DCST2: variants seen among roughly 807,000 people sequenced by gnomAD.
DCST2 encodes DC-STAMP domain containing 2.
DCST2 carries 64 observed loss-of-function variants against 81.8 expected under a neutral mutation model. The ratio of observed to expected loss-of-function variants is 0.78; its 90% CI spans 0.64 to 0.96. DCST2 has a LOEUF of 0.96. Among genes scored for constraint, DCST2 ranks in the 40% least tolerant of loss-of-function variants. The pLI is 0.00. For missense variants in DCST2, 945 were observed against 1,001.4 expected, an observed-to-expected ratio of 0.94 and a Z score of 0.76; for synonymous variants, 354 against 402.6, an observed-to-expected ratio of 0.88 and a Z score of 1.44.
intron 8 of DCST2, among the ~76,000 whole-genome samples, chr1:155,027,878 T>C (rs552486589): frequency 5.4e-4 from 82 of 151,446 alleles, no homozygotes; most frequent in African/African-American, 1.7e-3. Flanking sequence ...TCTCAATTAA[T>C]GGCTTACCAG....
intron 10 of DCST2, 73 bp downstream of exon 10, chr1:155,026,229 C>T: frequency 1.3e-6 from 2 of 1,492,048 alleles, no homozygotes; most frequent in Non-Finnish European, 1.8e-6. Context: ...GCTCCCAAAG[C>T]CAAAAAAGCC....
intron 14 of DCST2, 69 bp downstream of exon 14, chr1:155,023,048 C>T: frequency 6.4e-7 from 1 of 1,557,098 alleles, no homozygotes; most frequent in Non-Finnish European, 8.6e-7. Flanking sequence ...CCAGGAAGGC[C>T]TTTGCAAATG....
In DCST2 at chr1:155,026,317, GT is replaced by G. The variant is rs1345655322; in HGVS notation, c.1595del (p.Tyr532SerfsTer17). On this transcript the variant is annotated frameshift_variant, in exon 10 of 15. Coordinates refer to ENST00000368424, the MANE Select transcript of DCST2 (RefSeq NM_144622.3). LOFTEE classifies it high-confidence loss of function. ...GACCCCTCACCTGCTCCCGGGATGG[GT>G]AGTAGGAGGCACAGATGACTCGCCG... ...RLRRVICASY[Y>X]PSREQERISY... 5 of 1,613,672 alleles carry G rather than the reference GT, an allele frequency of 3.1e-6. No homozygotes were observed. In the African/African-American group the frequency reaches 6.7e-5, roughly 22 times the overall value.
At chr1:155,023,479 G>T in intron 12 of DCST2, 22 bp from the exon 13 acceptor site, 1 of 1,569,862 alleles carries the variant, frequency 6.4e-7, no homozygotes, top group South Asian at 1.2e-5. Flanking sequence ...CATGGGGAAT[G>T]GAGGTGAACC....
Position 155,023,392 on chromosome 1 carries a change from A to T in DCST2, c.1936T>A (p.Ser646Thr), listed in dbSNP as rs541267276. Reference protein sequence around the residue: ...NTCSVCASPLSYQGDLDLELD... With the variant: ...NTCSVCASPLTYQGDLDLELD... Reference sequence around the variant, plus strand: ...TCCAGGTCCAGGTCCCCCTGGTAGGAGAGGGGAGATGCACACACGGAGCAG... The same window carrying T: ...TCCAGGTCCAGGTCCCCCTGGTAGGTGAGGGGAGATGCACACACGGAGCAG... The change falls in exon 13 of 15, where the codon TCC (serine) becomes ACC (threonine). Residue 646 changes from serine to threonine, a missense_variant. By Grantham distance (58) the Ser-to-Thr change is moderately conservative. Coordinates refer to ENST00000368424, the MANE Select transcript of DCST2 (RefSeq NM_144622.3). The T allele has an allele frequency of 8.1e-5, 130 of 1,608,660 alleles. No homozygotes were observed. The South Asian group carries it at 1.4e-3, about 17-fold the overall frequency.
At chr1:155,031,862 G>A in intron 3 of DCST2, 91 bp from the exon 4 acceptor site, 2 of 1,340,222 alleles carry the variant, frequency 1.5e-6, no homozygotes, top group South Asian at 1.3e-5. Flanking sequence ...ATCCAGGGCT[G>A]GAGAGGCCTG....
At chr1:155,019,983 C>T (rs1335659605) in intron 14 of DCST2, among the ~76,000 whole-genome samples, 1 of 152,206 alleles carries the variant, frequency 6.6e-6, no homozygotes, top group African/African-American at 2.4e-5. Flanking sequence ...GTGCTCTTGC[C>T]TCCTACTCCC....
At chr1:155,033,395 C>T (rs1660163293) in intron 1 of DCST2, 39 bp downstream of exon 1, 1 of 1,604,306 alleles carries the variant, frequency 6.2e-7, no homozygotes, top group Admixed American at 1.7e-5. Context: ...CCAGCACCAG[C>T]CCCAGGACCT....
At position 155,031,635 on chromosome 1, in the gene DCST2, T is replaced by C. The variant is rs1660087709; in HGVS notation, c.678A>G (p.Gln226=). Residue 226 remains glutamine (Q), a synonymous_variant, in exon 4 of 15, where the codon CAA becomes CAG. Coordinates refer to ENST00000368424, the MANE Select transcript of DCST2 (RefSeq NM_144622.3). The part of the protein sequence containing the change: ...AKDSCMMVIP[Q]AYHLCYVLMP... Reference sequence around the variant, plus strand: ...TGAGCACGTAACACAGGTGGTAGGCTTGTGGTATGACCATCATGCAGCTGT... The same window carrying C: ...TGAGCACGTAACACAGGTGGTAGGCCTGTGGTATGACCATCATGCAGCTGT... 1.2e-6 allele frequency: 2 copies of C among 1,612,672 alleles called. No individual in the cohort carries two copies. The highest frequency in any genetic ancestry group is 2.2e-5 in the South Asian group (2 of 91,028).
chr1:155,032,907 G>A (rs947751325), intron 2 of DCST2, 139 bp from the exon 3 acceptor site: 31 of 1,026,068 alleles, frequency 3.0e-5, no homozygotes, highest in East Asian at 1.0e-4. Flanking sequence ...CTGGGAGATC[G>A]TTAATCTGGG....
In DCST2 at chr1:155,030,382, G is replaced by A. The variant is rs1439495784; in HGVS notation, c.1019+50C>T. The A allele has an allele frequency of 1.2e-5, 20 of 1,602,978 alleles. No homozygotes were observed. In the East Asian group the frequency reaches 4.5e-4, roughly 36 times the overall value. On this transcript the variant is annotated intron_variant, in intron 6 of 14. Coordinates refer to ENST00000368424, the MANE Select transcript of DCST2 (RefSeq NM_144622.3). ...AAATGAGCTGCTCCCTGCAGCCCTGGCCCTGCACCCCCGGCCCTGCATCCC... is the reference window on the plus strand; with the variant it reads ...AAATGAGCTGCTCCCTGCAGCCCTGACCCTGCACCCCCGGCCCTGCATCCC...
At position 155,024,523 on chromosome 1, in the gene DCST2, C is replaced by T. The variant is rs749453334; in HGVS notation, c.1691G>A (p.Arg564Gln). ...LLAALHRSVR[R>Q]RAADQGHRSA... is the part of the protein sequence containing the mutation. ...TCTGTGGCCCTGGTCAGCCGCCCGCCGCCTCACTGATCGGTGCAGGGCAGC... is the reference window on the plus strand; with the variant it reads ...TCTGTGGCCCTGGTCAGCCGCCCGCTGCCTCACTGATCGGTGCAGGGCAGC... The change falls in exon 11 of 15, where the codon CGG becomes CAG. Residue 564 changes from arginine to glutamine, a missense_variant. Transcript: ENST00000368424. 17 of 1,609,520 alleles carry T rather than the reference C, an allele frequency of 1.1e-5. No homozygotes were observed. The highest frequency in any genetic ancestry group is 8.9e-5 in the South Asian group (8 of 89,678).
rs138383629 is a variant in DCST2, at chr1:155,031,048, C to G, written c.805+121G>C. 6.6e-4 allele frequency: 727 copies of G among 1,109,400 alleles called. 6 individuals are homozygous for G. In the East Asian group the frequency reaches 0.018, roughly 28 times the overall value. The allele number at this position is 1,109,400 out of a possible 1,614,324, so 68.7% of individuals were successfully genotyped here. A position where few individuals can be genotyped will look rare whatever the true frequency, so the allele number is the denominator to read the frequency against. On this transcript the variant is annotated intron_variant, in intron 5 of 14. Transcript: ENST00000368424. The stretch of plus-strand genomic sequence containing the variant: ...TGGGCCTGGGTGATCACTTGAGCCC[C>G]TTTCTTTCTCTTACATTCTCCTTTA...
rs748879929 is a variant in DCST2, at chr1:155,032,709, G to A, written c.499C>T (p.Arg167Cys). 20 of 1,613,986 alleles carry A rather than the reference G, an allele frequency of 1.2e-5. No homozygotes were observed. Among genetic ancestry groups the A allele is most frequent in the African/African-American group, 2.7e-5 (2 of 74,904 alleles). Residue 167 changes from arginine to cysteine, a missense_variant, in exon 3 of 15, where the codon CGC becomes TGC. Transcript: ENST00000368424. Reference protein sequence around the residue: ...RKTKEVADRVRKFFRSIMDGV... With the variant: ...RKTKEVADRVCKFFRSIMDGV... ...TCCATGATTGACCGAAAGAACTTGC[G>A]GACCCGGTCAGCCACCTCTTTGGTC...
In DCST2 at chr1:155,030,600, T is replaced by C. The variant is rs779661891; in HGVS notation, c.851A>G (p.Asn284Ser). Residue 284 changes from asparagine to serine, a missense_variant, in exon 6 of 15, where the codon AAC (asparagine) becomes AGC (serine). Physicochemically the swap from Asn to Ser is conservative, Grantham distance 46. Transcript: ENST00000368424. ...AGAGAAGTGGTGGGTGGCTGTCATG[T>C]TGAACTCAAACTCCTGACGCACCCG... ...LNRVRQEFEFNMTATHHFSVD... is the reference protein window; with the variant it reads ...LNRVRQEFEFSMTATHHFSVD... 6.2e-7 allele frequency: 1 copy of C among 1,613,992 alleles called. No individual in the cohort carries two copies. The highest frequency in any genetic ancestry group is 1.1e-5 in the South Asian group (1 of 91,068).
chr1:155,029,535 G>A (rs1378438755), intron 7 of DCST2, 138 bp from the exon 8 acceptor site: 2 of 863,102 alleles, frequency 2.3e-6, no homozygotes, highest in African/African-American at 1.7e-5. Flanking sequence ...AAAAGAAGCT[G>A]TGAGGACTCT....
At chr1:155,018,904 A>T in intron 14 of DCST2, 144 bp from the exon 15 acceptor site, 1 of 797,210 alleles carries the variant, frequency 1.3e-6, no homozygotes, top group Non-Finnish European at 2.0e-6. Context: ...CACGAGGCGT[A>T]CCAGCCCATG....
At chr1:155,027,212 T>TC (rs1659939120) in intron 8 of DCST2, among the ~76,000 whole-genome samples, 1 of 147,480 alleles carries the variant, frequency 6.8e-6, no homozygotes, top group Non-Finnish European at 1.5e-5. Context: ...TTTTTTTTTT[T>TC]TTTTTTTTGT....
intron 2 of DCST2, 126 bp downstream of exon 2, chr1:155,032,968 C>T: frequency 2.6e-6 from 3 of 1,152,666 alleles, no homozygotes; most frequent in Non-Finnish European, 3.6e-6. Flanking sequence ...TGCCCAGAGT[C>T]CCTTCCAGGC....
Sources: gnomAD v4.1 joint callset for allele counts (sites outside exome capture counted in the v4.1 genomes callset) on GRCh38, gnomAD v4.1.1 for gene constraint, MANE v1.5 for transcripts, NCBI Gene and HGNC (gene_info 2026-07-23, HGNC 2026-07-21) for gene names.